The following LMO7 variants were observed in gnomAD, a reference collection of about 807,000 sequenced individuals.
The protein encoded by LMO7 is LIM domain 7.
Under a neutral mutation model 206.5 loss-of-function variants are expected in LMO7, and 120 were observed. The ratio of observed to expected loss-of-function variants is 0.58; its 90% CI spans 0.50 to 0.68. The LOEUF is 0.68. LMO7 is among the 30% of genes least tolerant of loss of function. The pLI is 0.00. For missense variants in LMO7, 1,959 were observed against 1,957.9 expected (o/e 1.00, Z -0.01); for synonymous variants, 706 against 681.5 (o/e 1.04, Z -0.56).
intron 1 of LMO7, among the ~76,000 whole-genome samples, chr13:75,682,479 G>A (rs931753846): frequency 3.3e-5 from 5 of 152,126 alleles, no homozygotes; most frequent in Admixed American, 6.5e-5. Flanking sequence ...TTGCCACCCA[G>A]GATGGGTAGT....
chr13:75,654,900 T>G (rs1279909523), intron 1 of LMO7, among the ~76,000 whole-genome samples: 3 of 150,920 alleles, frequency 2.0e-5, no homozygotes, highest in African/African-American at 4.9e-5. Flanking sequence ...GACAAAATCT[T>G]CGCTCTTGTT....
rs143065476 is a variant in LMO7 at position 75,826,540 on chromosome 13, C to T, written c.2949+2667C>T. ...GTGGTTTGCTGAATGGAGTTCGTGG[C>T]GCTCAGGGAAGCAGTGATATCTCTC... On this transcript the variant is annotated intron_variant, in intron 15 of 30. Coordinates refer to ENST00000377534, the MANE Select transcript of LMO7 (RefSeq NM_001306080.2). 6.3e-3 allele frequency among the ~76,000 whole-genome samples: 954 copies of T among 152,236 alleles called. 12 individuals carry two copies. Among genetic ancestry groups the T allele is most frequent in the Non-Finnish European group, 7.2e-3 (490 of 68,020 alleles).
intron 1 of LMO7, chr13:75,623,188 T>C: frequency 1.4e-6 from 1 of 704,908 alleles, no homozygotes. Context: ...TATTTGTTGT[T>C]GCTCAATAAA....
At chr13:75,638,878 A>G (rs1194431646) in intron 1 of LMO7, among the ~76,000 whole-genome samples, 1 of 152,106 alleles carries the variant, frequency 6.6e-6, no homozygotes, top group Non-Finnish European at 1.5e-5. Context: ...TCCAATGTGT[A>G]TTTGTAAAGT....
chr13:75,691,497 C>T (rs2041472034), intron 1 of LMO7, among the ~76,000 whole-genome samples: 1 of 152,170 alleles, frequency 6.6e-6, no homozygotes, highest in African/African-American at 2.4e-5. Flanking sequence ...TCAGCCTGAA[C>T]ACTCAGGCTC....
chr13:75,836,360 TG>T, intron 18 of LMO7, 36 bp from the exon 19 acceptor site: 2 of 1,176,916 alleles, frequency 1.7e-6, no homozygotes, highest in Non-Finnish European at 2.5e-6. Context: ...AAAGTCCAAC[TG>T]GAGAGAATAT....
upstream of LMO7, among the ~76,000 whole-genome samples, chr13:75,633,582 C>T (rs1007409354): frequency 2.6e-5 from 4 of 151,984 alleles, no homozygotes; most frequent in Non-Finnish European, 4.4e-5. Flanking sequence ...AGAAGACAGC[C>T]TGGTTTTTTC....
At chr13:75,702,287 C>T (rs2042335037) in intron 1 of LMO7, among the ~76,000 whole-genome samples, 1 of 152,080 alleles carries the variant, frequency 6.6e-6, no homozygotes. Flanking sequence ...TGTTGGCCTT[C>T]CCCAAGAGAA....
At chr13:75,696,491 A>G (rs1278598092) in intron 1 of LMO7, among the ~76,000 whole-genome samples, 2 of 152,170 alleles carry the variant, frequency 1.3e-5, no homozygotes, top group Non-Finnish European at 2.9e-5. Context: ...TTCAAAAATC[A>G]AGCACCTGTT....
intron 4 of LMO7, among the ~76,000 whole-genome samples, chr13:75,762,167 C>T (rs2048300286): frequency 1.3e-5 from 2 of 152,106 alleles, no homozygotes; most frequent in Admixed American, 6.6e-5. Flanking sequence ...GTTGAATAAG[C>T]TTTTCTAAAC....
chr13:75,680,408 A>G (rs2040377946), intron 1 of LMO7, among the ~76,000 whole-genome samples: 1 of 152,242 alleles, frequency 6.6e-6, no homozygotes, highest in Non-Finnish European at 1.5e-5. Flanking sequence ...CTTAGGCTGT[A>G]GACCCAGTAA....
intron 3 of LMO7, among the ~76,000 whole-genome samples, chr13:75,729,259 G>A (rs2138685490): frequency 6.6e-6 from 1 of 150,412 alleles, no homozygotes; most frequent in South Asian, 2.2e-4. Context: ...CTATCCATGA[G>A]CATGGAATGT....
intron 3 of LMO7, among the ~76,000 whole-genome samples, chr13:75,754,921 A>T (rs1179770177): frequency 1.3e-5 from 2 of 152,244 alleles, no homozygotes; most frequent in Admixed American, 6.5e-5. Context: ...GAGAAGAGTT[A>T]AGATTCCATT....
intron 1 of LMO7, among the ~76,000 whole-genome samples, chr13:75,649,872 C>T (rs944957666): frequency 1.3e-5 from 2 of 152,212 alleles, no homozygotes; most frequent in Non-Finnish European, 2.9e-5. Flanking sequence ...ACTTGATCCA[C>T]TGAAGATTGT....
In LMO7 at chr13:75,703,985, ATGATG is replaced by A. The variant is rs764995472; in HGVS notation, c.70-9194_70-9190del. Among the ~76,000 whole-genome samples the A allele has an allele frequency of 6.6e-5, 10 of 152,308 alleles. No individual in the cohort carries two copies. The East Asian group carries it at 1.9e-3, about 29-fold the overall frequency. ...TGTCAAAGATGTTGCATCATAAATA[ATGATG>A]TGGACATCTTATGGAATTTATTATA... On this transcript the variant is annotated intron_variant, in intron 1 of 30. Coordinates refer to ENST00000377534, the MANE Select transcript of LMO7 (RefSeq NM_001306080.2).
intron 3 of LMO7, among the ~76,000 whole-genome samples, chr13:75,736,596 C>T (rs2045841076): frequency 6.6e-6 from 1 of 152,202 alleles, no homozygotes; most frequent in Non-Finnish European, 1.5e-5. Context: ...AAACCATGAT[C>T]TCAAAGAGTT....
intron 3 of LMO7, among the ~76,000 whole-genome samples, chr13:75,759,645 T>A (rs1276487549): frequency 6.6e-6 from 1 of 152,210 alleles, no homozygotes; most frequent in Non-Finnish European, 1.5e-5. Flanking sequence ...TCACAGTAGA[T>A]TGGAATGACC....
chr13:75,706,224 A>T (rs985378791), intron 1 of LMO7, among the ~76,000 whole-genome samples: 1 of 152,186 alleles, frequency 6.6e-6, no homozygotes, highest in Non-Finnish European at 1.5e-5. Context: ...CAGTGCCCCT[A>T]CTTGGCCTCA....
intron 1 of LMO7, among the ~76,000 whole-genome samples, chr13:75,647,908 T>C (rs959453227): frequency 1.3e-5 from 2 of 151,554 alleles, no homozygotes; most frequent in African/African-American, 4.8e-5. Context: ...AAGCTCCTGA[T>C]CTGATTTTGT....
Sources: gnomAD v4.1 joint callset for allele counts (sites outside exome capture counted in the v4.1 genomes callset) on GRCh38, gnomAD v4.1.1 for gene constraint, MANE v1.5 for transcripts, NCBI Gene and HGNC (gene_info 2026-07-23, HGNC 2026-07-21) for gene names.